Variants in NRXN1 observed in about 807,000 individuals in gnomAD.
NRXN1 encodes neurexin 1, also known as neurexin-1.
A neutral mutation model predicts 150.9 loss-of-function variants in NRXN1; 39 were observed. That is an observed-to-expected ratio of 0.26 (90% CI 0.20 to 0.34). The LOEUF (loss-of-function observed/expected upper bound fraction) is 0.34, where lower values mean the gene tolerates loss of function less well. Among genes scored for constraint, NRXN1 ranks in the 10% least tolerant of loss-of-function variants. NRXN1 has a pLI of 1.00. For missense variants in NRXN1, 1,815 were observed against 1,949.9 expected (o/e 0.93, Z 1.30); for synonymous variants, 924 against 757.0 (o/e 1.22, Z -3.62).
intron 22 of NRXN1, among the ~76,000 whole-genome samples, chr2:49,927,922 G>C (rs1321742069): frequency 6.6e-6 from 1 of 152,080 alleles, no homozygotes; most frequent in East Asian, 1.9e-4. Flanking sequence ...TAGTTTCTAG[G>C]TAATTTTTCG....
intron 5 of NRXN1, among the ~76,000 whole-genome samples, chr2:50,784,793 C>A (rs969951893): frequency 1.3e-5 from 2 of 151,858 alleles, no homozygotes; most frequent in African/African-American, 2.4e-5. Flanking sequence ...ATGATGAGGA[C>A]CTGGACAAGG....
At chr2:50,236,594 A>G (rs995708353) in intron 18 of NRXN1, among the ~76,000 whole-genome samples, 195 bp downstream of exon 18, 2 of 148,468 alleles carry the variant, frequency 1.3e-5, no homozygotes, top group East Asian at 3.9e-4. Context: ...AAAAAAAAAA[A>G]GTTTGCATTG....
At chr2:50,639,311 C>A (rs1683723667) in intron 5 of NRXN1, among the ~76,000 whole-genome samples, 1 of 150,600 alleles carries the variant, frequency 6.6e-6, no homozygotes, top group Non-Finnish European at 1.5e-5. Flanking sequence ...ATCTCCGCCT[C>A]CTGGGTTCAA....
At position 50,624,067 on chromosome 2, in the gene NRXN1, G is replaced by A. The variant is rs534989891; in HGVS notation, c.833-452C>T. Among the ~76,000 whole-genome samples, 4 of 152,188 alleles carry A rather than the reference G, an allele frequency of 2.6e-5. No homozygotes were observed. The South Asian group carries it at 8.3e-4, about 32-fold the overall frequency. ...TTTTGTCCTTGAGATAGTTTGCTGA[G>A]AATGATGGTTTCCAGCTTCATCACA... On this transcript the variant is annotated intron_variant, in intron 5 of 22. Transcript: ENST00000401669.
intron 5 of NRXN1, among the ~76,000 whole-genome samples, chr2:50,784,811 T>C (rs1704851188): frequency 6.6e-6 from 1 of 151,974 alleles, no homozygotes; most frequent in Non-Finnish European, 1.5e-5. Flanking sequence ...AGGGTGATGG[T>C]AATAGTGAGG....
chr2:50,950,540 T>A (rs2104578954), intron 2 of NRXN1, among the ~76,000 whole-genome samples: 1 of 152,292 alleles, frequency 6.6e-6, no homozygotes, highest in Non-Finnish European at 1.5e-5. Context: ...TCACCTTTGT[T>A]GCTATTAACA....
chr2:50,969,037 C>A (rs749250930), intron 2 of NRXN1, among the ~76,000 whole-genome samples: 3 of 152,068 alleles, frequency 2.0e-5, no homozygotes, highest in South Asian at 2.1e-4. Context: ...ACACTCCAAG[C>A]CTCTTCACAA....
At chr2:50,154,257 A>G (rs1314979248) in intron 18 of NRXN1, among the ~76,000 whole-genome samples, 2 of 151,702 alleles carry the variant, frequency 1.3e-5, no homozygotes, top group Admixed American at 1.3e-4. Flanking sequence ...ATTGAGTACA[A>G]TGTATACTGC....
chr2:50,866,717 G>A (rs1276779506), intron 5 of NRXN1, among the ~76,000 whole-genome samples: 2 of 151,812 alleles, frequency 1.3e-5, no homozygotes, highest in Non-Finnish European at 2.9e-5. Flanking sequence ...TAAAAAGAAA[G>A]GACAAAAAAA....
intron 15 of NRXN1, among the ~76,000 whole-genome samples, chr2:50,492,674 T>C (rs923400195): frequency 1.3e-5 from 2 of 152,170 alleles, no homozygotes; most frequent in Non-Finnish European, 2.9e-5. Flanking sequence ...CTCTAGTGTC[T>C]TTTTAAGGTA....
At chr2:49,945,436 G>T (rs1672720760) in intron 21 of NRXN1, among the ~76,000 whole-genome samples, 1 of 150,618 alleles carries the variant, frequency 6.6e-6, no homozygotes, top group African/African-American at 2.4e-5. Context: ...TACATGTGCA[G>T]CATATGCAGG....
At chr2:50,550,824 G>A (rs2105332369) in intron 9 of NRXN1, among the ~76,000 whole-genome samples, 1 of 151,818 alleles carries the variant, frequency 6.6e-6, no homozygotes, top group African/African-American at 2.4e-5. Flanking sequence ...TGGGACTACA[G>A]GCACCGCCAC....
At chr2:50,384,138 C>G (rs566420028) in intron 17 of NRXN1, among the ~76,000 whole-genome samples, 1 of 152,236 alleles carries the variant, frequency 6.6e-6, no homozygotes, top group African/African-American at 2.4e-5. Context: ...TAAGTGACAT[C>G]AAGCTTAAAA....
intron 8 of NRXN1, among the ~76,000 whole-genome samples, chr2:50,618,789 T>C (rs950616390): frequency 6.6e-5 from 10 of 150,448 alleles, no homozygotes; most frequent in Non-Finnish European, 1.2e-4. Context: ...TAAATAATAA[T>C]AATAATAATT....
chr2:50,826,449 C>G (rs66477617), intron 5 of NRXN1, among the ~76,000 whole-genome samples: 24,965 of 151,970 alleles, frequency 0.16, 2,287 homozygotes, highest in Non-Finnish European at 0.19. Flanking sequence ...GAAATTTAGA[C>G]ATTAGATGAA....
chr2:50,400,324 T>C (rs2082314050), intron 17 of NRXN1, among the ~76,000 whole-genome samples: 1 of 152,044 alleles, frequency 6.6e-6, no homozygotes, highest in African/African-American at 2.4e-5. Flanking sequence ...AGGATGATAA[T>C]TGTTTATTCA....
chr2:50,689,883 T>C (rs902767880), intron 5 of NRXN1, among the ~76,000 whole-genome samples: 15 of 151,446 alleles, frequency 9.9e-5, no homozygotes, highest in Non-Finnish European at 1.9e-4. Flanking sequence ...TGTGTGTGTG[T>C]GTGTGTGTGT....
At chr2:51,029,892 G>T (rs1175023649) in intron 1 of NRXN1, among the ~76,000 whole-genome samples, 4 of 152,034 alleles carry the variant, frequency 2.6e-5, no homozygotes, top group Admixed American at 2.6e-4. Context: ...TAAAAGTGTA[G>T]ATCTAACTCC....
chr2:50,417,254 A>T (rs1368977009), intron 17 of NRXN1: 1 of 152,120 alleles, frequency 6.6e-6, no homozygotes, highest in Non-Finnish European at 1.5e-5. Context: ...TGTGCTCTTG[A>T]TCTGGATACA....
Sources: gnomAD v4.1 joint callset for allele counts (sites outside exome capture counted in the v4.1 genomes callset) on GRCh38, gnomAD v4.1.1 for gene constraint, MANE v1.5 for transcripts, NCBI Gene and HGNC (gene_info 2026-07-23, HGNC 2026-07-21) for gene names.